Variants in LPAR3 observed in about 807,000 individuals in gnomAD.
LPAR3 encodes the protein lysophosphatidic acid receptor 3.
A neutral mutation model predicts 17.8 loss-of-function variants in LPAR3; 7 were observed. The ratio of observed to expected loss-of-function variants is 0.39; its 90% confidence interval spans 0.22 to 0.74. The LOEUF (loss-of-function observed/expected upper bound fraction) is 0.74, where lower values mean the gene tolerates loss of function less well. Ranked by LOEUF, LPAR3 falls within the 30% of genes least tolerant of loss-of-function variation. LPAR3 has a pLI of 0.40. For missense variants in LPAR3, 391 were observed against 453.4 expected (o/e 0.86, Z 1.25); for synonymous variants, 179 against 179.9 (o/e 0.99, Z 0.04).
chr1:84,823,392 C>T (rs1407209964), intron 2 of LPAR3, among the ~76,000 whole-genome samples: 1 of 151,976 alleles, frequency 6.6e-6, no homozygotes, highest in Non-Finnish European at 1.5e-5. Context: ...AAATATACAC[C>T]TTTAGTAAAT....
At chr1:84,883,149 C>T (rs570286056) in intron 1 of LPAR3, among the ~76,000 whole-genome samples, 2 of 152,258 alleles carry the variant, frequency 1.3e-5, no homozygotes, top group East Asian at 1.9e-4. Flanking sequence ...AAGTGAATGA[C>T]GTAGCAAATG....
intron 2 of LPAR3, among the ~76,000 whole-genome samples, chr1:84,859,882 T>C (rs1252526980): frequency 1.3e-5 from 2 of 152,230 alleles, no homozygotes. Flanking sequence ...TCACATGGTG[T>C]GTTGTTTGAC....
At chr1:84,818,950 T>C (rs1030325833) in intron 2 of LPAR3, among the ~76,000 whole-genome samples, 1 of 152,230 alleles carries the variant, frequency 6.6e-6, no homozygotes, top group Non-Finnish European at 1.5e-5. Flanking sequence ...TCCCCCTCTC[T>C]TTTTTCGTAT....
chr1:84,831,078 T>C lies in LPAR3; in HGVS notation c.737-16907A>G, dbSNP rs569187815. On this transcript the variant is annotated intron_variant, in intron 2 of 2. Transcript: ENST00000370611. ...TCCAGACTTAGAACAATTTAATTTG[T>C]AGTTTAAAAAAAAATTCTTGGCCAG... Among the ~76,000 whole-genome samples the C allele has an allele frequency of 1.4e-3, 210 of 152,342 alleles. No homozygotes were observed. In the Middle Eastern group the frequency reaches 0.017, roughly 12 times the overall value.
chr1:84,813,158 T>TAGAGAGAGAGAGAGAGAG lies in LPAR3; in HGVS notation c.*687_*688insCTCTCTCTCTCTCTCTCT, dbSNP rs1553145910. The stretch of plus-strand genomic sequence containing the variant: ...ATATATATATATATATATATATATA[T>TAGAGAGAGAGAGAGAGAG]AGACACACACACACACACACACACA... On this transcript the variant is annotated 3_prime_UTR_variant, in exon 3 of 3. Transcript: ENST00000370611. The TAGAGAGAGAGAGAGAGAG allele has an allele frequency of 2.6e-4, 26 of 101,686 alleles. No homozygotes were observed. The highest frequency in any genetic ancestry group is 5.4e-4 in the East Asian group (2 of 3,676). 6.3% of individuals were successfully genotyped at this position (101,686 alleles called of 1,614,324 possible).
chr1:84,840,507 C>G (rs1659485934), intron 2 of LPAR3, among the ~76,000 whole-genome samples: 1 of 152,100 alleles, frequency 6.6e-6, no homozygotes, highest in African/African-American at 2.4e-5. Flanking sequence ...CTTGCAAACC[C>G]TGAAGAGGAA....
intron 2 of LPAR3, among the ~76,000 whole-genome samples, chr1:84,846,606 T>C (rs1160419343): frequency 6.6e-6 from 1 of 152,116 alleles, no homozygotes; most frequent in Non-Finnish European, 1.5e-5. Context: ...GGAAGCACAG[T>C]TTGCAGGTCA....
intron 2 of LPAR3, among the ~76,000 whole-genome samples, chr1:84,830,240 T>G (rs1021450095): frequency 6.6e-6 from 1 of 152,150 alleles, no homozygotes; most frequent in Non-Finnish European, 1.5e-5. Flanking sequence ...GTATTGAGTA[T>G]CTGAACTCCT....
At chr1:84,814,238 T>C (rs1570850359) in intron 2 of LPAR3, 67 bp from the exon 3 acceptor site, 1 of 1,369,006 alleles carries the variant, frequency 7.3e-7, no homozygotes, top group South Asian at 1.3e-5. Flanking sequence ...TTTTCTTCTC[T>C]CCCAGCCTTT....
At chr1:84,883,426 T>C (rs1660399963) in intron 1 of LPAR3, among the ~76,000 whole-genome samples, 1 of 152,214 alleles carries the variant, frequency 6.6e-6, no homozygotes, top group Non-Finnish European at 1.5e-5. Flanking sequence ...CCCAGATGAA[T>C]GTGTACAATC....
intron 2 of LPAR3, among the ~76,000 whole-genome samples, chr1:84,819,968 C>G (rs1179379183): frequency 3.3e-5 from 5 of 152,198 alleles, no homozygotes; most frequent in African/African-American, 1.2e-4. Context: ...CTTAATTCCT[C>G]TCTAGCATTT....
intron 2 of LPAR3, among the ~76,000 whole-genome samples, chr1:84,821,879 C>T (rs902874362): frequency 3.3e-5 from 5 of 152,054 alleles, no homozygotes; most frequent in African/African-American, 9.7e-5. Flanking sequence ...AGCAGGGAGA[C>T]AGGAGGGACA....
At chr1:84,869,227 C>A (rs1660110990) in intron 1 of LPAR3, among the ~76,000 whole-genome samples, 2 of 152,150 alleles carry the variant, frequency 1.3e-5, no homozygotes, top group Non-Finnish European at 2.9e-5. Context: ...CAAAAATCTT[C>A]AAATTCAACT....
At position 84,866,096 on chromosome 1, in the gene LPAR3, G is replaced by A; in HGVS notation, c.25C>T (p.His9Tyr). The change falls in exon 2 of 3, where the codon CAC (histidine) becomes TAC (tyrosine). Residue 9 changes from histidine to tyrosine, a missense_variant. Physicochemically the swap from His to Tyr is moderately conservative, Grantham distance 83. Transcript: ENST00000370611. ...CTCCTATTATAAAAAAAGTCCATGTGCTTGTCATAGTGACACTCATTCATT... is the reference window on the plus strand; with the variant it reads ...CTCCTATTATAAAAAAAGTCCATGTACTTGTCATAGTGACACTCATTCATT... MNECHYDK[H>Y]MDFFYNRSNT... 6.3e-7 allele frequency: 1 copy of A among 1,594,662 alleles called. No individual in the cohort carries two copies. Among genetic ancestry groups the A allele is most frequent in the Non-Finnish European group, 8.5e-7 (1 of 1,173,016 alleles).
intron 2 of LPAR3, among the ~76,000 whole-genome samples, chr1:84,817,650 T>C (rs1292998646): frequency 6.6e-6 from 1 of 152,172 alleles, no homozygotes; most frequent in East Asian, 1.9e-4. Context: ...CATTTGCCTT[T>C]TGTTGTTCAT....
chr1:84,839,103 T>G (rs183101568), intron 2 of LPAR3, among the ~76,000 whole-genome samples: 2 of 152,318 alleles, frequency 1.3e-5, no homozygotes, highest in Non-Finnish European at 2.9e-5. Context: ...CCCTCCGAGG[T>G]AGGTATTATC....
At chr1:84,818,143 T>C (rs769947539) in intron 2 of LPAR3, among the ~76,000 whole-genome samples, 62 of 152,208 alleles carry the variant, frequency 4.1e-4, no homozygotes, top group Non-Finnish European at 5.9e-4. Flanking sequence ...TCCCAAGGGT[T>C]TTTATAAAAA....
intron 2 of LPAR3, among the ~76,000 whole-genome samples, chr1:84,859,974 A>T (rs1043231541): frequency 6.6e-6 from 1 of 152,236 alleles, no homozygotes; most frequent in Admixed American, 6.5e-5. Flanking sequence ...GTAAGATTTC[A>T]AAACCCTTTC....
At chr1:84,868,040 A>G (rs1297428437) in intron 1 of LPAR3, among the ~76,000 whole-genome samples, 2 of 152,194 alleles carry the variant, frequency 1.3e-5, no homozygotes, top group African/African-American at 4.8e-5. Flanking sequence ...ATAGATTTCA[A>G]ATTGAAGTAA....
Sources: allele counts gnomAD v4.1 joint callset (sites outside exome capture counted in the v4.1 genomes callset), GRCh38; gene constraint gnomAD v4.1.1; transcripts MANE v1.5; gene names NCBI Gene and HGNC (gene_info 2026-07-23, HGNC 2026-07-21).